CSMD1: variants seen among roughly 807,000 people sequenced by gnomAD.
CSMD1 encodes CUB and Sushi multiple domains 1.
A neutral mutation model predicts 417.5 loss-of-function variants in CSMD1; 213 were observed. The ratio of observed to expected loss-of-function variants is 0.51; its 90% CI spans 0.46 to 0.57. The LOEUF is 0.57. Ranked by LOEUF, CSMD1 falls within the 20% of genes least tolerant of loss-of-function variation. CSMD1 has a pLI of 0.00. For synonymous variants in CSMD1, 2,862 were observed against 1,736.8 expected (o/e 1.65, Z -16.11); for missense variants, 6,923 against 4,529.7 (o/e 1.53, Z -15.17).
At chr8:3,132,003 C>G (rs976354742) in intron 41 of CSMD1, among the ~76,000 whole-genome samples, 18 of 152,312 alleles carry the variant, frequency 1.2e-4, no homozygotes, top group Admixed American at 1.1e-3. Context: ...CATCACTCCA[C>G]TGGCTCATGT....
intron 23 of CSMD1, among the ~76,000 whole-genome samples, chr8:3,338,296 C>T (rs573869453): frequency 6.0e-4 from 91 of 152,272 alleles, no homozygotes; most frequent in African/African-American, 2.1e-3. Flanking sequence ...GGGTGCTGGG[C>T]GTTTCTTGAC....
intron 2 of CSMD1, among the ~76,000 whole-genome samples, chr8:4,459,571 C>A (rs550180651): frequency 6.6e-6 from 1 of 152,146 alleles, no homozygotes; most frequent in African/African-American, 2.4e-5. Flanking sequence ...GCAGGCTAAT[C>A]CATGGAATGG....
chr8:4,387,188 G>A (rs1170185462), intron 3 of CSMD1, among the ~76,000 whole-genome samples: 3 of 152,166 alleles, frequency 2.0e-5, no homozygotes, highest in Non-Finnish European at 4.4e-5. Context: ...TTGTGGCTAG[G>A]AGGTATCTGA....
chr8:4,007,759 T>C (rs780429260), intron 4 of CSMD1, among the ~76,000 whole-genome samples: 3 of 152,236 alleles, frequency 2.0e-5, no homozygotes, highest in Non-Finnish European at 2.9e-5. Context: ...AAGCCTCTAT[T>C]CATTTGTCTT....
intron 49 of CSMD1, among the ~76,000 whole-genome samples, chr8:3,065,430 T>C (rs1162390690): frequency 1.3e-5 from 2 of 151,754 alleles, no homozygotes; most frequent in African/African-American, 4.8e-5. Context: ...AGAGAGATGA[T>C]AGGAAGATAG....
intron 2 of CSMD1, among the ~76,000 whole-genome samples, chr8:4,632,700 C>T (rs927034037): frequency 6.6e-6 from 1 of 152,252 alleles, no homozygotes; most frequent in East Asian, 1.9e-4. Context: ...GTACAGGCTT[C>T]CAATTGCAGT....
chr8:4,438,577 G>A (rs1353021628), intron 2 of CSMD1, among the ~76,000 whole-genome samples: 1 of 152,110 alleles, frequency 6.6e-6, no homozygotes, highest in Non-Finnish European at 1.5e-5. Flanking sequence ...AGTGTGGGGA[G>A]CCCTGCACAG....
At chr8:4,956,959 G>A (rs1452899675) in intron 1 of CSMD1, among the ~76,000 whole-genome samples, 1 of 152,168 alleles carries the variant, frequency 6.6e-6, no homozygotes, top group Non-Finnish European at 1.5e-5. Flanking sequence ...GCAGCTATTT[G>A]GGAAGCCTAA....
chr8:3,496,361 G>A (rs930540588), intron 10 of CSMD1, among the ~76,000 whole-genome samples: 3 of 152,136 alleles, frequency 2.0e-5, no homozygotes, highest in Non-Finnish European at 4.4e-5. Flanking sequence ...AGGATTGAGG[G>A]CAGACACCAT....
intron 1 of CSMD1, among the ~76,000 whole-genome samples, chr8:4,944,673 GAATGCA>G (rs1325821008): frequency 6.6e-6 from 1 of 152,108 alleles, no homozygotes; most frequent in Non-Finnish European, 1.5e-5. Context: ...ATCATTAGAG[GAATGCA>G]AATATCATCA....
intron 5 of CSMD1, among the ~76,000 whole-genome samples, chr8:3,785,352 G>C (rs1445496906): frequency 6.6e-6 from 1 of 152,212 alleles, no homozygotes; most frequent in African/African-American, 2.4e-5. Flanking sequence ...TCAGTCAGCA[G>C]TGGAACCATT....
At chr8:4,340,840 G>C (rs1276980002) in intron 3 of CSMD1, among the ~76,000 whole-genome samples, 1 of 151,902 alleles carries the variant, frequency 6.6e-6, no homozygotes, top group Non-Finnish European at 1.5e-5. Flanking sequence ...CAATTATTTG[G>C]TTGCTAATTA....
intron 1 of CSMD1, among the ~76,000 whole-genome samples, chr8:4,947,769 G>C (rs113022297): frequency 0.017 from 2,518 of 152,084 alleles, 61 homozygotes; most frequent in African/African-American, 0.057. Flanking sequence ...TGTCCTACTT[G>C]AATTTGCATT....
intron 5 of CSMD1, among the ~76,000 whole-genome samples, chr8:3,821,769 G>C (rs1801750015): frequency 6.6e-6 from 1 of 152,118 alleles, no homozygotes. Context: ...GTGACAGAGT[G>C]AGACTCTGTC....
At chr8:3,740,399 T>C (rs184557689) in intron 6 of CSMD1, among the ~76,000 whole-genome samples, 4 of 152,182 alleles carry the variant, frequency 2.6e-5, no homozygotes, top group Admixed American at 1.3e-4. Flanking sequence ...GATGATAAAA[T>C]GCAATGCTGA....
At chr8:3,537,357 G>A (rs1308328190) in intron 10 of CSMD1, among the ~76,000 whole-genome samples, 4 of 152,170 alleles carry the variant, frequency 2.6e-5, no homozygotes, top group Non-Finnish European at 5.9e-5. Flanking sequence ...AGTTTTTATT[G>A]TTGTTTAGTG....
At chr8:4,141,020 T>G (rs1248044948) in intron 3 of CSMD1, among the ~76,000 whole-genome samples, 1 of 151,262 alleles carries the variant, frequency 6.6e-6, no homozygotes, top group Admixed American at 6.6e-5. Context: ...TAATATTCCT[T>G]ACAAACATTG....
intron 3 of CSMD1, among the ~76,000 whole-genome samples, chr8:4,183,475 G>A (rs905051858): frequency 4.6e-5 from 7 of 152,116 alleles, no homozygotes; most frequent in African/African-American, 1.4e-4. Context: ...TTCTTCAATT[G>A]GAGGTGAAAA....
chr8:4,439,634 A>G (rs1254038131), intron 2 of CSMD1, among the ~76,000 whole-genome samples: 1 of 152,196 alleles, frequency 6.6e-6, no homozygotes, highest in African/African-American at 2.4e-5. Context: ...AAACAGCACC[A>G]TAAGGCAAAA....
Sources: gnomAD v4.1 joint callset for allele counts (sites outside exome capture counted in the v4.1 genomes callset) on GRCh38, gnomAD v4.1.1 for gene constraint, MANE v1.5 for transcripts, NCBI Gene and HGNC (gene_info 2026-07-23, HGNC 2026-07-21) for gene names.